Variants in CSMD3 observed in about 807,000 individuals in gnomAD.
The protein encoded by CSMD3 is CUB and sushi domain-containing protein 3.
Under a neutral mutation model 435.2 loss-of-function variants are expected in CSMD3, and 177 were observed. The ratio of observed to expected loss-of-function variants is 0.41; its 90% CI spans 0.36 to 0.46. The LOEUF (loss-of-function observed/expected upper bound fraction) is 0.46, where lower values mean the gene tolerates loss of function less well. Among genes scored for constraint, CSMD3 ranks in the 20% least tolerant of loss-of-function variants. The pLI, the probability that CSMD3 is intolerant of heterozygous loss-of-function variation, is 0.34. For missense variants in CSMD3, 4,265 were observed against 4,504.6 expected (o/e 0.95, Z 1.52); for synonymous variants, 1,656 against 1,520.5 (o/e 1.09, Z -2.07).
intron 5 of CSMD3, among the ~76,000 whole-genome samples, chr8:113,032,562 C>T (rs1210430489): frequency 6.6e-6 from 1 of 151,448 alleles, no homozygotes; most frequent in Non-Finnish European, 1.5e-5. Flanking sequence ...TGAAAGTGTA[C>T]ATTTAATATG....
intron 3 of CSMD3, among the ~76,000 whole-genome samples, chr8:113,256,565 G>A (rs1389461643): frequency 6.6e-6 from 1 of 152,170 alleles, no homozygotes; most frequent in Non-Finnish European, 1.5e-5. Context: ...CAATTGTCAA[G>A]AATGTATTTC....
intron 3 of CSMD3, among the ~76,000 whole-genome samples, chr8:113,206,802 T>C (rs940714893): frequency 6.6e-6 from 1 of 152,212 alleles, no homozygotes; most frequent in African/African-American, 2.4e-5. Context: ...ATTTCTCTAT[T>C]GATGGCTATT....
chr8:112,239,296 T>C (rs1241586232), intron 66 of CSMD3, among the ~76,000 whole-genome samples: 1 of 152,094 alleles, frequency 6.6e-6, no homozygotes, highest in Admixed American at 6.6e-5. Context: ...TTAAATTTAA[T>C]TCAGCTAAAC....
intron 22 of CSMD3, among the ~76,000 whole-genome samples, chr8:112,601,488 C>A (rs1014770024): frequency 1.3e-5 from 2 of 152,066 alleles, no homozygotes; most frequent in Non-Finnish European, 2.9e-5. Context: ...TTCTCAAGGA[C>A]TATAGGAATT....
Position 112,380,447 on chromosome 8 carries a change from A to C in CSMD3, c.6041T>G (p.Ile2014Arg). 6.5e-7 allele frequency: 1 copy of C among 1,547,970 alleles called. No individual in the cohort carries two copies. The highest frequency in any genetic ancestry group is 8.9e-7 in the Non-Finnish European group (1 of 1,120,294). Residue 2014 changes from isoleucine to arginine, a missense_variant, in exon 38 of 71, where the codon ATA becomes AGA. This residue lies in a region of CSMD3 where 3,255 missense variants were observed against 3,380.2 expected (regional missense o/e 0.96). Coordinates refer to ENST00000297405, the MANE Select transcript of CSMD3 (RefSeq NM_198123.2). ...AGACGTACTATTCAAAAGATGGGGTATTGTTGTTCCTGAAATGATATATGA... is the reference window on the plus strand; with the variant it reads ...AGACGTACTATTCAAAAGATGGGGTCTTGTTGTTCCTGAAATGATATATGA... ...PRLGSYSGTT[I>R]PHLLNSTSNN...
chr8:113,059,612 T>G (rs947750945), intron 5 of CSMD3, among the ~76,000 whole-genome samples: 1 of 152,200 alleles, frequency 6.6e-6, no homozygotes, highest in African/African-American at 2.4e-5. Context: ...ATTTGAAAAG[T>G]GGCTTAAATG....
intron 17 of CSMD3, among the ~76,000 whole-genome samples, chr8:112,657,835 T>G (rs895644188): frequency 1.3e-5 from 2 of 152,206 alleles, no homozygotes; most frequent in Non-Finnish European, 2.9e-5. Flanking sequence ...TTATTTTATT[T>G]CCTATTCTAC....
At chr8:113,320,642 T>A (rs530608316) in intron 1 of CSMD3, among the ~76,000 whole-genome samples, 1 of 152,228 alleles carries the variant, frequency 6.6e-6, no homozygotes, top group African/African-American at 2.4e-5. Flanking sequence ...TAAAAAATTG[T>A]TCTTGTCATC....
chr8:113,304,616 G>T (rs2093802605), intron 2 of CSMD3, among the ~76,000 whole-genome samples: 1 of 99,808 alleles, frequency 1.0e-5, no homozygotes, highest in Non-Finnish European at 2.0e-5. Flanking sequence ...CCTTTGTAGG[G>T]ACATGGATGA....
chr8:113,025,946 G>T (rs562170425), intron 5 of CSMD3, among the ~76,000 whole-genome samples: 1 of 152,130 alleles, frequency 6.6e-6, no homozygotes, highest in South Asian at 2.1e-4. Context: ...AGCACATCAC[G>T]ATGGATAAAC....
intron 6 of CSMD3, among the ~76,000 whole-genome samples, chr8:113,009,381 A>G (rs370833066): frequency 1.1e-4 from 16 of 152,006 alleles, no homozygotes; most frequent in Middle Eastern, 6.8e-3. Context: ...GTCGGTATTC[A>G]TATTTACTAA....
At chr8:112,326,204 G>T (rs921535130) in intron 45 of CSMD3, among the ~76,000 whole-genome samples, 3 of 152,184 alleles carry the variant, frequency 2.0e-5, no homozygotes, top group African/African-American at 7.2e-5. Context: ...TGCAGCAGAT[G>T]TTTTGTAATT....
chr8:112,466,953 T>C (rs1818018707), intron 32 of CSMD3, among the ~76,000 whole-genome samples: 1 of 152,150 alleles, frequency 6.6e-6, no homozygotes, highest in Non-Finnish European at 1.5e-5. Context: ...CTAGATTAAC[T>C]GGAATAAAAA....
chr8:113,271,882 G>A (rs1319731839), intron 3 of CSMD3, among the ~76,000 whole-genome samples: 1 of 152,008 alleles, frequency 6.6e-6, no homozygotes, highest in Middle Eastern at 3.2e-3. Context: ...AAAGCCACAG[G>A]GTCAGAGCTG....
At chr8:113,334,132 CACTT>C (rs1392481656) in intron 1 of CSMD3, among the ~76,000 whole-genome samples, 1 of 151,802 alleles carries the variant, frequency 6.6e-6, no homozygotes, top group Non-Finnish European at 1.5e-5. Flanking sequence ...CAGTTGAACT[CACTT>C]ATGTAGAGTA....
At chr8:113,424,076 A>G (rs1563808115) in intron 1 of CSMD3, among the ~76,000 whole-genome samples, 1 of 151,814 alleles carries the variant, frequency 6.6e-6, no homozygotes, top group Non-Finnish European at 1.5e-5. Context: ...TGTGAAAGGG[A>G]ATAAGGAGGT....
chr8:112,912,558 G>T (rs1356986489), intron 10 of CSMD3, among the ~76,000 whole-genome samples: 1 of 151,800 alleles, frequency 6.6e-6, no homozygotes, highest in Non-Finnish European at 1.5e-5. Context: ...ATACAGGAAT[G>T]AATTTCAAAT....
intron 13 of CSMD3, among the ~76,000 whole-genome samples, chr8:112,728,313 G>C (rs959809866): frequency 6.6e-6 from 1 of 151,784 alleles, no homozygotes; most frequent in Admixed American, 6.6e-5. Flanking sequence ...AAAAATATGA[G>C]TTAGATGTAA....
chr8:113,209,884 T>C (rs2092812451), intron 3 of CSMD3, among the ~76,000 whole-genome samples: 1 of 152,108 alleles, frequency 6.6e-6, no homozygotes, highest in South Asian at 2.1e-4. Flanking sequence ...TATTTTTGTT[T>C]CTATACTTGC....
Sources: allele counts gnomAD v4.1 joint callset (sites outside exome capture counted in the v4.1 genomes callset), GRCh38; gene constraint gnomAD v4.1.1; regional missense constraint gnomAD v4.1.1; transcripts MANE v1.5; gene names NCBI Gene and HGNC (gene_info 2026-07-23, HGNC 2026-07-21).